The following SH3KBP1 variants were observed in gnomAD, a reference collection of about 807,000 sequenced individuals.
SH3KBP1 encodes SH3 domain-containing kinase-binding protein 1.
SH3KBP1 carries 8 observed loss-of-function variants against 50.1 expected under a neutral mutation model. The observed-to-expected ratio is 0.16, with a 90% CI of 0.09 to 0.29. The LOEUF (loss-of-function observed/expected upper bound fraction) is 0.29. Ranked by LOEUF, SH3KBP1 falls within the 10% of genes least tolerant of loss-of-function variation. The probability of loss-of-function intolerance (pLI) is 1.00; values close to 1 mark genes in which losing one functional copy is unlikely to be tolerated. For missense variants in SH3KBP1, 377 were observed against 535.2 expected, an observed-to-expected ratio of 0.70 and a Z score of 2.92; for synonymous variants, 227 against 218.6, an observed-to-expected ratio of 1.04 and a Z score of -0.34.
intron 3 of SH3KBP1, among the ~76,000 whole-genome samples, chrX:19,716,090 T>C (rs924147204): frequency 8.9e-6 from 1 of 112,067 alleles, no homozygotes; most frequent in African/African-American, 3.3e-5. Context: ...GATTCACACA[T>C]TTTTTACTTG....
chrX:19,541,792 C>T (rs775777091), intron 16 of SH3KBP1, 133 bp downstream of exon 16: 3 of 702,679 alleles, frequency 4.3e-6, no homozygotes, highest in South Asian at 5.3e-5. Context: ...GCACTCCCAC[C>T]ATTGCTGCCA....
chrX:19,591,501 G>A lies in SH3KBP1; in HGVS notation c.1138+566C>T, dbSNP rs769357638. 2.1e-3 allele frequency among the ~76,000 whole-genome samples: 230 copies of A among 111,323 alleles called. 1 individual carries two copies. The highest frequency in any genetic ancestry group is 6.8e-3 in the African/African-American group (209 of 30,593). On this transcript the variant is annotated intron_variant, in intron 11 of 17. Transcript: ENST00000397821. ...TCCTGACCACCTTCAGGAGACGCTGGGGACCAAGCTGCTTTCCCAGTATTA... is the reference window on the plus strand; with the variant it reads ...TCCTGACCACCTTCAGGAGACGCTGAGGACCAAGCTGCTTTCCCAGTATTA...
At position 19,535,399 on chromosome X, in the gene SH3KBP1, C is replaced by T. The variant is rs1034581439; in HGVS notation, c.*1018G>A. The T allele has an allele frequency of 3.0e-5, 4 of 133,834 alleles. No homozygotes were observed. The highest frequency in any genetic ancestry group is 5.9e-5 in the Non-Finnish European group (4 of 67,534). 11.0% of individuals were successfully genotyped at this position (133,834 alleles called of 1,213,427 possible). A position where few individuals can be genotyped will look rare whatever the true frequency, so the allele number is the denominator to read the frequency against. The stretch of plus-strand genomic sequence containing the variant: ...AGTGCAGGAAATAATACAACTTTCC[C>T]TCCCTTGTTTTCATTTGCATTTTAC... On this transcript the variant is annotated 3_prime_UTR_variant, in exon 18 of 18. Transcript: ENST00000397821.
chrX:19,655,490 A>C (rs1001477646), intron 6 of SH3KBP1, among the ~76,000 whole-genome samples: 1 of 112,230 alleles, frequency 8.9e-6, no homozygotes, highest in Non-Finnish European at 1.9e-5. Context: ...CAGCCATAAA[A>C]AAGAATGAAA....
intron 2 of SH3KBP1, among the ~76,000 whole-genome samples, chrX:19,763,192 T>C (rs776503601): frequency 2.7e-5 from 3 of 111,330 alleles, no homozygotes; most frequent in Non-Finnish European, 3.8e-5. Flanking sequence ...TTCCCTAGAG[T>C]GAAATTTCTG....
At chrX:19,720,830 G>T (rs2064038624) in intron 3 of SH3KBP1, among the ~76,000 whole-genome samples, 1 of 111,356 alleles carries the variant, frequency 9.0e-6, no homozygotes, top group Non-Finnish European at 1.9e-5. Context: ...CTTCATCTGG[G>T]ATACTTCTGT....
intron 2 of SH3KBP1, among the ~76,000 whole-genome samples, chrX:19,817,302 T>G (rs1438789393): frequency 8.9e-6 from 1 of 112,181 alleles, no homozygotes; most frequent in Admixed American, 9.5e-5. Context: ...TAAACTAGTC[T>G]ATAGCTACAA....
At chrX:19,685,575 AGT>A (rs2063145544) in intron 5 of SH3KBP1, among the ~76,000 whole-genome samples, 1 of 111,685 alleles carries the variant, frequency 9.0e-6, no homozygotes, top group Non-Finnish European at 1.9e-5. Context: ...GAAGGATTAG[AGT>A]GTGTAAACAT....
intron 2 of SH3KBP1, among the ~76,000 whole-genome samples, chrX:19,823,356 C>A (rs980619935): frequency 1.8e-5 from 2 of 112,304 alleles, no homozygotes; most frequent in South Asian, 3.7e-4. Context: ...TTTTATCTGG[C>A]GGCTTGGAAG....
At chrX:19,647,810 G>C (rs2062022949) in intron 6 of SH3KBP1, among the ~76,000 whole-genome samples, 1 of 110,888 alleles carries the variant, frequency 9.0e-6, no homozygotes, top group African/African-American at 3.3e-5. Context: ...CTGAGAACTT[G>C]TTAGTAAAGC....
intron 1 of SH3KBP1, among the ~76,000 whole-genome samples, chrX:19,865,171 T>C (rs916114679): frequency 1.8e-5 from 2 of 112,623 alleles, no homozygotes; most frequent in African/African-American, 6.5e-5. Context: ...TTCTTATTTA[T>C]CATTTAATGC....
At chrX:19,832,721 G>A (rs1333860791) in intron 2 of SH3KBP1, among the ~76,000 whole-genome samples, 1 of 111,703 alleles carries the variant, frequency 9.0e-6, no homozygotes, top group Admixed American at 9.4e-5. Flanking sequence ...AAGCCCATGG[G>A]AAGCCACAGG....
chrX:19,649,818 C>T (rs957033586), intron 6 of SH3KBP1, among the ~76,000 whole-genome samples: 1 of 111,959 alleles, frequency 8.9e-6, no homozygotes, highest in South Asian at 3.7e-4. Context: ...CTAATGCTTA[C>T]GGGAAAGGCA....
At chrX:19,695,834 C>T in intron 4 of SH3KBP1, 93 bp from the exon 5 acceptor site, 1 of 848,647 alleles carries the variant, frequency 1.2e-6, no homozygotes, top group Non-Finnish European at 1.7e-6. Flanking sequence ...GTGTAGCATG[C>T]AGAGCCCACA....
rs2069632458 is a variant in SH3KBP1 at position 19,887,480 on chromosome X, C to CGCTGCTGCCTCTGCT, written c.-185_-171dup. The CGCTGCTGCCTCTGCT allele has an allele frequency of 3.1e-6, 1 of 317,585 alleles. No individual in the cohort carries two copies. The highest frequency in any genetic ancestry group is 2.9e-5 in the African/African-American group (1 of 34,500). The allele number at this position is 317,585 out of a possible 1,213,427, so 26.2% of individuals were successfully genotyped here. On this transcript the variant is annotated 5_prime_UTR_variant, in exon 1 of 18. Transcript: ENST00000397821. ...GCGGCGGCGGCGGCTCAGCGCCGCCCGCTGCTGCCTCTGCTGCTGCTGCCG... is the reference window on the plus strand; with the variant it reads ...GCGGCGGCGGCGGCTCAGCGCCGCCCGCTGCTGCCTCTGCTGCTGCTGCCTCTGCTGCTGCTGCCG...
intron 13 of SH3KBP1, among the ~76,000 whole-genome samples, chrX:19,554,513 T>C (rs979045242): frequency 9.3e-6 from 1 of 106,971 alleles, no homozygotes; most frequent in Non-Finnish European, 1.9e-5. Context: ...GCAATTCTCC[T>C]GCCTCAGCCT....
chrX:19,848,612 A>G (rs780196426), intron 1 of SH3KBP1, among the ~76,000 whole-genome samples: 31 of 112,618 alleles, frequency 2.8e-4, no homozygotes, highest in African/African-American at 1.0e-3. Flanking sequence ...CCTTTCCTAT[A>G]TGAATTCAAG....
At chrX:19,799,286 T>C (rs924383632) in intron 2 of SH3KBP1, among the ~76,000 whole-genome samples, 39 of 111,288 alleles carry the variant, frequency 3.5e-4, no homozygotes, top group African/African-American at 1.2e-3. Context: ...CCGTGTCCCC[T>C]GGAGAAAACT....
At chrX:19,546,957 G>A (rs749445105) in intron 14 of SH3KBP1, among the ~76,000 whole-genome samples, 110 of 110,844 alleles carry the variant, frequency 9.9e-4, no homozygotes, top group Non-Finnish European at 1.7e-3. Context: ...TTTGGGACCA[G>A]CCTGGGCAAC....
Sources: gnomAD v4.1 joint callset for allele counts (sites outside exome capture counted in the v4.1 genomes callset) on GRCh38, gnomAD v4.1.1 for gene constraint, MANE v1.5 for transcripts, NCBI Gene and HGNC (gene_info 2026-07-23, HGNC 2026-07-21) for gene names.